Variants in SACM1L observed in about 807,000 individuals in gnomAD.
SACM1L encodes the protein SAC1 like phosphatidylinositide phosphatase.
SACM1L carries 32 observed loss-of-function variants against 89.5 expected under a neutral mutation model. The observed-to-expected ratio is 0.36, with a 90% CI of 0.27 to 0.48. The LOEUF (loss-of-function observed/expected upper bound fraction) is 0.48. Ranked by LOEUF, SACM1L falls within the 20% of genes least tolerant of loss-of-function variation. SACM1L has a pLI of 0.99. For missense variants in SACM1L, 543 were observed against 708.5 expected, an observed-to-expected ratio of 0.77 and a Z score of 2.65; for synonymous variants, 213 against 232.8, an observed-to-expected ratio of 0.92 and a Z score of 0.77.
At chr3:45,689,684 G>A (rs1697920890) in intron 1 of SACM1L, 187 bp downstream of exon 1, 4 of 686,250 alleles carry the variant, frequency 5.8e-6, no homozygotes, top group Admixed American at 5.5e-5. Flanking sequence ...CCGGGAACCA[G>A]CGGCTCGCCG....
At position 45,734,070 on chromosome 3, in the gene SACM1L, C is replaced by G. The variant is rs145311640; in HGVS notation, c.1101-1165C>G. On this transcript the variant is annotated intron_variant, in intron 13 of 19. Coordinates refer to ENST00000389061, the MANE Select transcript of SACM1L (RefSeq NM_014016.5). ...ATTTTTCAAATAATACCCAATTGTT[C>G]TTTATAAATCTTGTACTATTTGCAT... Among the ~76,000 whole-genome samples the G allele has an allele frequency of 3.3e-5, 5 of 149,788 alleles. No homozygotes were observed. In the South Asian group the frequency reaches 1.0e-3, roughly 31 times the overall value.
chr3:45,721,015 C>T (rs772155679), intron 8 of SACM1L, among the ~76,000 whole-genome samples: 3 of 152,276 alleles, frequency 2.0e-5, no homozygotes, highest in South Asian at 4.1e-4. Flanking sequence ...AAATAGATTA[C>T]GTAAACAAAT....
intron 19 of SACM1L, 121 bp from the exon 20 acceptor site, chr3:45,743,412 T>TA (rs1699357493): frequency 9.8e-7 from 1 of 1,022,024 alleles, no homozygotes; most frequent in East Asian, 2.5e-5. Context: ...AAGAGGTTCT[T>TA]ATATTTTTCC....
rs1484945871 is a variant in SACM1L at position 45,735,278 on chromosome 3, G to A, written c.1144G>A (p.Glu382Lys). Reference protein sequence around the residue: ...DSAGQVVANQEGVFRSNCMDC... With the variant: ...DSAGQVVANQKGVFRSNCMDC... ...TGCTGGCCAGGTGGTGGCAAACCAG[G>A]AAGGCGTGTTCCGAAGCAATTGCAT... The change falls in exon 14 of 20, where the codon GAA (glutamate) becomes AAA (lysine). Residue 382 changes from glutamate to lysine, a missense_variant. Physicochemically the swap from Glu to Lys is moderately conservative, Grantham distance 56. Coordinates refer to ENST00000389061, the MANE Select transcript of SACM1L (RefSeq NM_014016.5). The A allele has an allele frequency of 6.2e-7, 1 of 1,613,134 alleles. No homozygotes were observed. The highest frequency in any genetic ancestry group is 8.5e-7 in the Non-Finnish European group (1 of 1,179,824).
intron 11 of SACM1L, among the ~76,000 whole-genome samples, chr3:45,728,918 C>T (rs548290810): frequency 1.5e-4 from 23 of 152,252 alleles, no homozygotes; most frequent in African/African-American, 5.5e-4. Flanking sequence ...AAGCCATCCT[C>T]TTGCCTCAGC....
At chr3:45,726,663 TTTTA>T (rs1698924993) in intron 11 of SACM1L, among the ~76,000 whole-genome samples, 1 of 152,050 alleles carries the variant, frequency 6.6e-6, no homozygotes, top group Admixed American at 6.5e-5. Context: ...CAACTTTTAG[TTTTA>T]TTGACTTTAT....
At position 45,713,216 on chromosome 3, in the gene SACM1L, A is replaced by G. The variant is rs1698567335; in HGVS notation, c.543+20A>G. The G allele has an allele frequency of 6.3e-7, 1 of 1,592,266 alleles. No homozygotes were observed. Among genetic ancestry groups the G allele is most frequent in the Non-Finnish European group, 8.6e-7 (1 of 1,166,108 alleles). The stretch of plus-strand genomic sequence containing the variant: ...CCAGAGGTAATGTACACGAAATAAA[A>G]TCTGCTTAATTGTTACAGTCCAAGC... On this transcript the variant is annotated intron_variant, in intron 6 of 19. Coordinates refer to ENST00000389061, the MANE Select transcript of SACM1L (RefSeq NM_014016.5).
At position 45,743,718 on chromosome 3, in the gene SACM1L, A is replaced by C. The variant is rs776875827; in HGVS notation, c.*49A>C. 6.3e-7 allele frequency: 1 copy of C among 1,575,090 alleles called. No homozygotes were observed. The highest frequency in any genetic ancestry group is 1.2e-5 in the South Asian group (1 of 83,922). ...TGGCTTGGAAGATTCCATTGTGCAG[A>C]ACTGGAGTCTTTACTGACCCGCTTT... On this transcript the variant is annotated 3_prime_UTR_variant, in exon 20 of 20. Transcript: ENST00000389061.
intron 11 of SACM1L, among the ~76,000 whole-genome samples, chr3:45,726,869 C>CTTTTTTTTTT (rs1158423503): frequency 1.9e-5 from 1 of 52,340 alleles, no homozygotes; most frequent in East Asian, 3.7e-4. Context: ...TGCTTTATTT[C>CTTTTTTTTTT]TTTTTTTTTT....
chr3:45,743,392 A>G (rs1298198477), intron 19 of SACM1L, 141 bp from the exon 20 acceptor site: 1 of 840,300 alleles, frequency 1.2e-6, no homozygotes, highest in Non-Finnish European at 1.8e-6. Context: ...CACTGGTTTA[A>G]ACCTTAATTA....
chr3:45,729,167 A>T (rs990923268), intron 11 of SACM1L, among the ~76,000 whole-genome samples: 1 of 151,942 alleles, frequency 6.6e-6, no homozygotes, highest in Non-Finnish European at 1.5e-5. Flanking sequence ...GCTCACTGCA[A>T]CCTCTGCCTC....
Position 45,709,550 on chromosome 3 carries a change from A to G in SACM1L, c.386A>G (p.Asp129Gly). ...ATGCTAAACCATGTCTTGAATGTGG[A>G]TGGATTTTACTTTTCAACAACATAT... is the stretch of plus-strand genomic sequence containing the variant. ...LAMLNHVLNV[D>G]GFYFSTTYDL... The change falls in exon 5 of 20, where the codon GAT (aspartate) becomes GGT (glycine). Residue 129 changes from aspartate (D) to glycine (G), a missense_variant. Asp to Gly is a moderately conservative substitution (Grantham distance 94). Around this residue, in one of 2 missense-constraint regions of SACM1L, gnomAD observed 173 missense variants for 180.9 expected, o/e 0.96. Coordinates refer to ENST00000389061, the MANE Select transcript of SACM1L (RefSeq NM_014016.5). 2 of 1,613,770 alleles carry G rather than the reference A, an allele frequency of 1.2e-6. No homozygotes were observed. Among genetic ancestry groups the G allele is most frequent in the Non-Finnish European group, 1.7e-6 (2 of 1,179,774 alleles).
At chr3:45,704,691 C>A (rs1383707333) in intron 2 of SACM1L, among the ~76,000 whole-genome samples, 1 of 152,032 alleles carries the variant, frequency 6.6e-6, no homozygotes, top group Admixed American at 6.6e-5. Flanking sequence ...ATTGCAGACC[C>A]ATTTGAATAG....
intron 3 of SACM1L, 144 bp from the exon 4 acceptor site, chr3:45,706,636 G>A: frequency 2.0e-6 from 1 of 503,580 alleles, no homozygotes; most frequent in Non-Finnish European, 3.4e-6. Context: ...AAATTGTAAG[G>A]TTGCTTTAAA....
intron 13 of SACM1L, chr3:45,734,640 T>C (rs1461346012): frequency 6.6e-6 from 1 of 152,124 alleles, no homozygotes; most frequent in Non-Finnish European, 1.5e-5. Flanking sequence ...AGGCAGGGAC[T>C]CGTTATGTTG....
chr3:45,735,673 G>A (rs1292995637), intron 14 of SACM1L, among the ~76,000 whole-genome samples: 2 of 152,068 alleles, frequency 1.3e-5, no homozygotes, highest in African/African-American at 2.4e-5. Flanking sequence ...AAATAACACC[G>A]TAGAGAATAT....
rs1217444212 is a variant in SACM1L at position 45,744,889 on chromosome 3, G to C, written c.*1220G>C. On this transcript the variant is annotated 3_prime_UTR_variant, in exon 20 of 20. Coordinates refer to ENST00000389061, the MANE Select transcript of SACM1L (RefSeq NM_014016.5). The stretch of plus-strand genomic sequence containing the variant: ...CACTGCTGCAATATTTCAGTGTTGT[G>C]CTTGAAAATATGTACAGTTTTTTTC... The C allele has an allele frequency of 6.6e-6, 1 of 152,482 alleles. No homozygotes were observed. Among genetic ancestry groups the C allele is most frequent in the East Asian group, 1.9e-4 (1 of 5,182 alleles). The allele number at this position is 152,482 out of a possible 1,614,324, so 9.4% of individuals were successfully genotyped here.
intron 12 of SACM1L, 81 bp downstream of exon 12, chr3:45,731,461 A>G (rs975503264): frequency 2.8e-5 from 23 of 819,008 alleles, no homozygotes; most frequent in Middle Eastern, 2.4e-4. Flanking sequence ...AGAGCTCACT[A>G]GACATATGTT....
At chr3:45,716,089 G>C (rs375990877) in intron 7 of SACM1L, among the ~76,000 whole-genome samples, 3 of 152,268 alleles carry the variant, frequency 2.0e-5, no homozygotes, top group East Asian at 1.9e-4. Flanking sequence ...ATAGAGAGTG[G>C]ACAGAGAGGC....
Sources: gnomAD v4.1 joint callset for allele counts (sites outside exome capture counted in the v4.1 genomes callset) on GRCh38, gnomAD v4.1.1 for gene constraint, gnomAD v4.1.1 regional missense constraint, MANE v1.5 for transcripts, NCBI Gene and HGNC (gene_info 2026-07-23, HGNC 2026-07-21) for gene names.